TMEM272: variants seen among roughly 807,000 people sequenced by gnomAD.
TMEM272 encodes the protein long intergenic non-protein coding RNA 282.
Under a neutral mutation model 3.7 loss-of-function variants are expected in TMEM272, and 8 were observed. The observed-to-expected ratio is 2.17, with a 90% CI of 1.27 to 3.91. The LOEUF is 3.91. Ranked by LOEUF, TMEM272 falls within the 30% of genes most tolerant of loss-of-function variation. The probability of loss-of-function intolerance (pLI) is 0.00; values close to 1 mark genes in which losing one functional copy is unlikely to be tolerated. For missense variants in TMEM272, 166 were observed against 91.5 expected, an observed-to-expected ratio of 1.81 and a Z score of -3.32; for synonymous variants, 63 against 39.8, an observed-to-expected ratio of 1.58 and a Z score of -2.20.
At chr13:51,916,415 G>C in the TMEM272 span, among the ~76,000 whole-genome samples, 5 of 152,358 alleles carry the variant, frequency 3.3e-5, 1 homozygote, top group South Asian at 4.1e-4. Flanking sequence ...GAATAGATAT[G>C]TAAAGGGTTT....
the TMEM272 span, among the ~76,000 whole-genome samples, chr13:51,897,191 G>T: frequency 3.9e-5 from 6 of 152,262 alleles, no homozygotes; most frequent in Admixed American, 1.3e-4. Context: ...AGGTAAACCT[G>T]CCCAACTTTT....
the TMEM272 span, among the ~76,000 whole-genome samples, chr13:51,929,615 C>A: frequency 6.6e-6 from 1 of 152,250 alleles, no homozygotes; most frequent in Non-Finnish European, 1.5e-5. Flanking sequence ...ACAGATTCAA[C>A]TCCTAAGGAA....
At chr13:51,918,836 C>T in the TMEM272 span, among the ~76,000 whole-genome samples, 1 of 98,972 alleles carries the variant, frequency 1.0e-5, no homozygotes, top group East Asian at 3.0e-4. Context: ...TTTGTAGAGA[C>T]AGGGTTTTGC....
At chr13:51,871,785 TACACACACACACACACACACAC>T in the TMEM272 span, among the ~76,000 whole-genome samples, 284 of 129,680 alleles carry the variant, frequency 2.2e-3, 3 homozygotes, top group Middle Eastern at 7.8e-3. Context: ...AATCTCCCCC[TACACACACACACACACACACAC>T]ACACACACAC....
the TMEM272 span, among the ~76,000 whole-genome samples, chr13:51,857,340 A>C: frequency 6.6e-6 from 1 of 152,120 alleles, no homozygotes; most frequent in Admixed American, 6.6e-5. Context: ...TGAGTACCTG[A>C]AAAATTATCC....
intron 2 of TMEM272, among the ~76,000 whole-genome samples, chr13:51,828,927 A>G (rs1324531922): frequency 6.6e-6 from 1 of 152,228 alleles, no homozygotes; most frequent in Admixed American, 6.5e-5. Flanking sequence ...GAAGGCAATG[A>G]TGTTCTAAGA....
chr13:51,863,424 G>C, the TMEM272 span, among the ~76,000 whole-genome samples: 1 of 152,176 alleles, frequency 6.6e-6, no homozygotes, highest in African/African-American at 2.4e-5. Flanking sequence ...AGAGAGCAGC[G>C]AGACTGTTAC....
At chr13:51,898,713 T>C in the TMEM272 span, among the ~76,000 whole-genome samples, 2 of 151,558 alleles carry the variant, frequency 1.3e-5, no homozygotes, top group Admixed American at 6.6e-5. Flanking sequence ...CTTAGACTTA[T>C]ATCTTTTTCC....
chr13:51,852,885 A>G, the TMEM272 span, among the ~76,000 whole-genome samples: 2 of 151,616 alleles, frequency 1.3e-5, no homozygotes, highest in African/African-American at 4.8e-5. Flanking sequence ...TCCGTCAAAA[A>G]AAAAAAAAAA....
chr13:51,880,344 T>C, the TMEM272 span, among the ~76,000 whole-genome samples: 5 of 151,542 alleles, frequency 3.3e-5, no homozygotes, highest in African/African-American at 9.7e-5. Context: ...TGAGGATCTA[T>C]TGAAATACTT....
chr13:51,881,401 T>C, the TMEM272 span, among the ~76,000 whole-genome samples: 1 of 151,578 alleles, frequency 6.6e-6, no homozygotes, highest in Non-Finnish European at 1.5e-5. Context: ...AAGAAAGGAC[T>C]AGAAAGGCGG....
the TMEM272 span, among the ~76,000 whole-genome samples, chr13:51,891,872 G>A: frequency 6.6e-6 from 1 of 152,234 alleles, no homozygotes; most frequent in East Asian, 1.9e-4. Context: ...GTTGGAGGGG[G>A]GCAAGGGCAG....
chr13:51,821,668 C>CAA (rs386379191), intron 4 of TMEM272, among the ~76,000 whole-genome samples: 3,562 of 28,402 alleles, frequency 0.13, 158 homozygotes, highest in East Asian at 0.28. Context: ...TTTTTTTCCT[C>CAA]AAAAAAAAAA....
At chr13:51,822,382 C>T (rs1956087249) in intron 3 of TMEM272, among the ~76,000 whole-genome samples, 1 of 152,138 alleles carries the variant, frequency 6.6e-6, no homozygotes, top group African/African-American at 2.4e-5. Context: ...GACCAGGTGT[C>T]GCTGCACCTT....
chr13:51,839,352 G>A (rs1205817273), intron 1 of TMEM272, among the ~76,000 whole-genome samples: 1 of 152,222 alleles, frequency 6.6e-6, no homozygotes, highest in Non-Finnish European at 1.5e-5. Context: ...ACTAGGAGAG[G>A]AAGGGAGTCA....
At chr13:51,913,013 C>T in the TMEM272 span, among the ~76,000 whole-genome samples, 1 of 152,220 alleles carries the variant, frequency 6.6e-6, no homozygotes, top group African/African-American at 2.4e-5. Context: ...AGCAATTTCA[C>T]AGCTTCACCA....
chr13:51,867,339 C>A, the TMEM272 span, among the ~76,000 whole-genome samples: 1 of 152,162 alleles, frequency 6.6e-6, no homozygotes, highest in South Asian at 2.1e-4. Flanking sequence ...GGGCCAGGAC[C>A]AAAACCCACA....
In TMEM272 at chr13:51,822,735, C is replaced by T. The variant is rs138137614; in HGVS notation, c.119-598G>A. On this transcript the variant is annotated intron_variant, in intron 3 of 4. Transcript: ENST00000629372. ...ATGCTGGGAAACACGCGTGTACTCA[C>T]ATATCCTTAGCTACCAGATACAGAG... Among the ~76,000 whole-genome samples the T allele has an allele frequency of 2.3e-3, 346 of 152,324 alleles. 1 individual carries two copies. The highest frequency in any genetic ancestry group is 0.022 in the South Asian group (106 of 4,826).
the TMEM272 span, among the ~76,000 whole-genome samples, chr13:51,904,917 C>A: frequency 1.3e-5 from 2 of 152,098 alleles, no homozygotes; most frequent in Non-Finnish European, 2.9e-5. Context: ...GTTTCTTAAC[C>A]TCATTAGTAC....
Sources: allele counts gnomAD v4.1 joint callset (sites outside exome capture counted in the v4.1 genomes callset), GRCh38; gene constraint gnomAD v4.1.1; transcripts MANE v1.5; gene names NCBI Gene and HGNC (gene_info 2026-07-23, HGNC 2026-07-21).